KCNIP4: variants seen among roughly 807,000 people sequenced by gnomAD.
KCNIP4 encodes the protein Kv channel-interacting protein 4.
A neutral mutation model predicts 34.0 loss-of-function variants in KCNIP4; 12 were observed. The observed-to-expected ratio is 0.35, with a 90% CI of 0.23 to 0.57. The LOEUF is 0.57. KCNIP4 is among the 20% of genes least tolerant of loss of function. KCNIP4 has a pLI of 0.83. For synonymous variants in KCNIP4, 124 were observed against 102.2 expected, an observed-to-expected ratio of 1.21 and a Z score of -1.29; for missense variants, 238 against 311.7, an observed-to-expected ratio of 0.76 and a Z score of 1.78.
intron 1 of KCNIP4, among the ~76,000 whole-genome samples, chr4:21,122,995 G>A (rs560038145): frequency 6.8e-4 from 103 of 152,260 alleles, no homozygotes; most frequent in Non-Finnish European, 1.2e-3. Flanking sequence ...CAGATCACAA[G>A]GTCAGGAGAT....
At position 21,770,925 on chromosome 4, in the gene KCNIP4, G is replaced by A. The variant is rs145199139; in HGVS notation, c.61+177646C>T. Reference sequence around the variant, plus strand: ...TCCCTCTGATGATAGTTTCTTTGCTGTGCAGAAGCTCTTTAGTTTAATTAG... The same window carrying A: ...TCCCTCTGATGATAGTTTCTTTGCTATGCAGAAGCTCTTTAGTTTAATTAG... On this transcript the variant is annotated intron_variant, in intron 1 of 8. Transcript: ENST00000382152. Among the ~76,000 whole-genome samples, 1,254 of 152,214 alleles carry A rather than the reference G, an allele frequency of 8.2e-3. 19 individuals are homozygous for A. The highest frequency in any genetic ancestry group is 0.028 in the African/African-American group (1,154 of 41,530).
chr4:21,877,477 G>T (rs1726193563), intron 1 of KCNIP4, among the ~76,000 whole-genome samples: 1 of 152,126 alleles, frequency 6.6e-6, no homozygotes, highest in Non-Finnish European at 1.5e-5. Context: ...AATTTAGAGG[G>T]CATATAGTAA....
intron 1 of KCNIP4, among the ~76,000 whole-genome samples, chr4:21,173,881 G>A (rs995016978): frequency 6.6e-5 from 10 of 152,082 alleles, no homozygotes; most frequent in Non-Finnish European, 1.2e-4. Context: ...AATACTTCTC[G>A]CCCAGCTGCG....
chr4:21,579,020 T>A (rs1387667883), intron 1 of KCNIP4, among the ~76,000 whole-genome samples: 2 of 152,182 alleles, frequency 1.3e-5, no homozygotes, highest in African/African-American at 2.4e-5. Context: ...ATTTTTTTCG[T>A]GGTTTGTTTC....
intron 1 of KCNIP4, among the ~76,000 whole-genome samples, chr4:21,012,155 C>T (rs1319810124): frequency 6.6e-6 from 1 of 152,272 alleles, no homozygotes; most frequent in South Asian, 2.1e-4. Context: ...CAGAGTCAAG[C>T]CTTGTGGTTC....
intron 1 of KCNIP4, among the ~76,000 whole-genome samples, chr4:21,413,946 C>T (rs776874668): frequency 6.6e-6 from 1 of 152,190 alleles, no homozygotes; most frequent in Non-Finnish European, 1.5e-5. Context: ...CTTACAGCTT[C>T]TGCAGAATAG....
chr4:21,636,530 C>G (rs1020832369), intron 1 of KCNIP4, among the ~76,000 whole-genome samples: 2 of 152,066 alleles, frequency 1.3e-5, no homozygotes, highest in African/African-American at 2.4e-5. Context: ...TACTTAAACA[C>G]CTGGTGTGGA....
intron 3 of KCNIP4, among the ~76,000 whole-genome samples, chr4:20,786,207 T>C (rs1560464066): frequency 6.6e-6 from 1 of 152,002 alleles, no homozygotes; most frequent in Non-Finnish European, 1.5e-5. Flanking sequence ...GAAAACCAAA[T>C]ACTGCATGTA....
intron 1 of KCNIP4, among the ~76,000 whole-genome samples, chr4:21,819,202 A>C (rs1054075610): frequency 6.6e-6 from 1 of 152,204 alleles, no homozygotes; most frequent in African/African-American, 2.4e-5. Flanking sequence ...ATCAAGTCAA[A>C]GTCTTTTGGA....
chr4:21,414,943 T>C, intron 1 of KCNIP4, among the ~76,000 whole-genome samples: 1 of 152,048 alleles, frequency 6.6e-6, no homozygotes, highest in East Asian at 1.9e-4. Context: ...TCATCATTTC[T>C]TTTTTTTATG....
At chr4:21,705,861 T>C (rs1355746025) in intron 1 of KCNIP4, among the ~76,000 whole-genome samples, 2 of 152,132 alleles carry the variant, frequency 1.3e-5, no homozygotes, top group African/African-American at 2.4e-5. Flanking sequence ...CAGCCCTCTG[T>C]AGAAGGTTCA....
chr4:21,518,130 A>T (rs1734914962), intron 1 of KCNIP4, among the ~76,000 whole-genome samples: 1 of 152,036 alleles, frequency 6.6e-6, no homozygotes, highest in South Asian at 2.1e-4. Context: ...CATTTTTCAT[A>T]GTGCCTCATC....
At chr4:21,556,486 A>G (rs953035680) in intron 1 of KCNIP4, among the ~76,000 whole-genome samples, 7 of 152,178 alleles carry the variant, frequency 4.6e-5, no homozygotes, top group African/African-American at 1.7e-4. Flanking sequence ...AGCCTTCTCA[A>G]GGATGACATG....
At chr4:20,747,552 T>C (rs1752636767) in intron 5 of KCNIP4, among the ~76,000 whole-genome samples, 1 of 152,162 alleles carries the variant, frequency 6.6e-6, no homozygotes, top group East Asian at 1.9e-4. Context: ...CCCCCAACCA[T>C]CTCCTCTCCC....
At chr4:20,961,752 C>T (rs149636904) in intron 1 of KCNIP4, among the ~76,000 whole-genome samples, 2 of 152,236 alleles carry the variant, frequency 1.3e-5, no homozygotes, top group East Asian at 3.9e-4. Context: ...GAAAACAGTG[C>T]TCCCTGGAAT....
intron 1 of KCNIP4, among the ~76,000 whole-genome samples, chr4:21,358,158 G>A (rs911330487): frequency 1.1e-4 from 16 of 152,158 alleles, no homozygotes; most frequent in Admixed American, 2.6e-4. Context: ...ATCACACAGC[G>A]GGGCCTGTCA....
intron 1 of KCNIP4, among the ~76,000 whole-genome samples, chr4:21,262,810 A>G (rs527359663): frequency 6.6e-6 from 1 of 152,274 alleles, no homozygotes; most frequent in South Asian, 2.1e-4. Flanking sequence ...GCATTTATCA[A>G]AAACTGTTGT....
chr4:21,071,927 A>G (rs1457376621), intron 1 of KCNIP4, among the ~76,000 whole-genome samples: 6 of 152,188 alleles, frequency 3.9e-5, no homozygotes, highest in Non-Finnish European at 8.8e-5. Flanking sequence ...TTTGCTGAGA[A>G]TGATGGTTTA....
intron 1 of KCNIP4, among the ~76,000 whole-genome samples, chr4:21,717,015 T>A (rs1047453573): frequency 6.6e-6 from 1 of 152,192 alleles, no homozygotes; most frequent in Non-Finnish European, 1.5e-5. Context: ...TATTTCCCCA[T>A]CTGATGGGTT....
Sources: gnomAD v4.1 joint callset for allele counts (sites outside exome capture counted in the v4.1 genomes callset) on GRCh38, gnomAD v4.1.1 for gene constraint, MANE v1.5 for transcripts, NCBI Gene and HGNC (gene_info 2026-07-23, HGNC 2026-07-21) for gene names.